Variants in MPDZ observed in about 807,000 individuals in gnomAD.
The protein encoded by MPDZ is multiple PDZ domain protein.
MPDZ carries 234 observed loss-of-function variants against 239.1 expected under a neutral mutation model. That is an observed-to-expected ratio of 0.98 (90% CI 0.88 to 1.09). The LOEUF is 1.09. MPDZ is among the 50% of genes least tolerant of loss of function. The probability of loss-of-function intolerance (pLI) is 0.00; values close to 1 mark genes in which losing one functional copy is unlikely to be tolerated. For synonymous variants in MPDZ, 1,048 were observed against 881.3 expected, an observed-to-expected ratio of 1.19 and a Z score of -3.35; for missense variants, 3,175 against 2,510.0, an observed-to-expected ratio of 1.26 and a Z score of -5.66.
intron 8 of MPDZ, among the ~76,000 whole-genome samples, chr9:13,219,201 C>T (rs913937655): frequency 6.6e-6 from 1 of 151,878 alleles, no homozygotes; most frequent in African/African-American, 2.4e-5. Context: ...AACTATGACC[C>T]ACCTTACAGA....
intron 1 of MPDZ, among the ~76,000 whole-genome samples, chr9:13,273,827 G>A (rs768951077): frequency 2.0e-5 from 3 of 152,050 alleles, no homozygotes; most frequent in African/African-American, 7.2e-5. Flanking sequence ...TTTAAAATAC[G>A]TTCTCCACTG....
intron 30 of MPDZ, 97 bp from the exon 31 acceptor site, chr9:13,136,279 C>G: frequency 1.5e-6 from 1 of 649,764 alleles, no homozygotes; most frequent in Non-Finnish European, 2.5e-6. Context: ...AATTATTTAA[C>G]CCCCAAAACC....
intron 26 of MPDZ, 48 bp downstream of exon 26, chr9:13,147,500 G>T: frequency 7.0e-7 from 1 of 1,420,190 alleles, no homozygotes; most frequent in Non-Finnish European, 9.9e-7. Context: ...TAGATTCCAA[G>T]TTGAACACTG....
chr9:13,160,323 G>T (rs1854909), intron 23 of MPDZ, among the ~76,000 whole-genome samples: 70,602 of 151,970 alleles, frequency 0.46, 20,142 homozygotes, highest in African/African-American at 0.81. Flanking sequence ...GCATATCCAT[G>T]TGTTCTATTT....
chr9:13,169,973 T>C (rs1951578616), intron 21 of MPDZ, among the ~76,000 whole-genome samples: 1 of 152,194 alleles, frequency 6.6e-6, no homozygotes, highest in South Asian at 2.1e-4. Flanking sequence ...TCTGAATTAA[T>C]GTTCCCTTTG....
chr9:13,121,142 G>C (rs1231719829), intron 38 of MPDZ, among the ~76,000 whole-genome samples: 4 of 152,088 alleles, frequency 2.6e-5, no homozygotes, highest in Admixed American at 6.5e-5. Flanking sequence ...TACCACCCGG[G>C]CCCCCTGCTT....
rs1391091162 is a variant in MPDZ at position 13,247,809 on chromosome 9, A to T, written c.17-8T>A. 1 of 1,592,030 alleles carries T rather than the reference A, an allele frequency of 6.3e-7. No individual in the cohort carries two copies. The highest frequency in any genetic ancestry group is 1.7e-5 in the Admixed American group (1 of 59,674). The stretch of plus-strand genomic sequence containing the variant: ...GCAGGGCCCGATTTTTGTCTATACC[A>T]AAGAGCAGCATTTGTCAATAACAGG... On this transcript the variant is annotated splice_region_variant and splice_polypyrimidine_tract_variant and intron_variant, in intron 2 of 46. Transcript: ENST00000319217.
chr9:13,240,430 C>T (rs1965102348), intron 3 of MPDZ, among the ~76,000 whole-genome samples: 1 of 151,624 alleles, frequency 6.6e-6, no homozygotes, highest in Non-Finnish European at 1.5e-5. Context: ...ATTTATAGGA[C>T]ATGGCATATT....
chr9:13,229,608 C>T (rs988679186), intron 3 of MPDZ, among the ~76,000 whole-genome samples: 30 of 149,562 alleles, frequency 2.0e-4, no homozygotes, highest in African/African-American at 6.9e-4. Flanking sequence ...ACACACACCC[C>T]CATCCACCCC....
chr9:13,279,648 T>TG lies in MPDZ; in HGVS notation c.-307dup, dbSNP rs1975243608. On this transcript the variant is annotated 5_prime_UTR_variant, in exon 1 of 47. Transcript: ENST00000319217. ...CCCCTCCCCCAGCGCGCGCCGCACTTGCGCCGACCGGGGCTGCCGCGGAGG... is the reference window on the plus strand; with the variant it reads ...CCCCTCCCCCAGCGCGCGCCGCACTTGGCGCCGACCGGGGCTGCCGCGGAGG... 6.7e-6 allele frequency: 1 copy of TG among 150,160 alleles called. No individual in the cohort carries two copies. Among genetic ancestry groups the TG allele is most frequent in the Non-Finnish European group, 1.5e-5 (1 of 67,524 alleles). 9.3% of individuals were successfully genotyped at this position (150,160 alleles called of 1,614,324 possible). A position where few individuals can be genotyped will look rare whatever the true frequency, so the allele number is the denominator to read the frequency against.
intron 27 of MPDZ, among the ~76,000 whole-genome samples, chr9:13,141,970 C>A (rs1302005485): frequency 6.6e-6 from 1 of 152,032 alleles, no homozygotes; most frequent in Non-Finnish European, 1.5e-5. Context: ...TAAAAATGAA[C>A]AAACACACAC....
In MPDZ at chr9:13,186,341, G is replaced by C. The variant is rs765484050; in HGVS notation, c.2410C>G (p.Leu804Val). Reference protein sequence around the residue: ...GYVSAKEDSFLYPPHSCEEAG... With the variant: ...GYVSAKEDSFVYPPHSCEEAG... ...TCCTCACAGGAGTGTGGTGGGTAGA[G>C]AAAGGAATCCTCCTTAGCAGAAACA... The change falls in exon 18 of 47, where the codon CTC becomes GTC. Residue 804 changes from leucine to valine, a missense_variant. Coordinates refer to ENST00000319217, the MANE Select transcript of MPDZ (RefSeq NM_001378778.1). 5.6e-6 allele frequency: 9 copies of C among 1,593,052 alleles called. No individual in the cohort carries two copies. Among genetic ancestry groups the C allele is most frequent in the Non-Finnish European group, 7.7e-6 (9 of 1,169,144 alleles).
chr9:13,183,501 G>C lies in MPDZ; in HGVS notation c.2566C>G (p.Gln856Glu). 1 of 1,612,404 alleles carries C rather than the reference G, an allele frequency of 6.2e-7. No individual in the cohort carries two copies. Among genetic ancestry groups the C allele is most frequent in the Non-Finnish European group, 8.5e-7 (1 of 1,179,038 alleles). Reference sequence around the variant, plus strand: ...CCATGAAGAGATAAAATAGAGGCTTGAGTAGAGTAGATGCTGTCATTTTCA... The same window carrying C: ...CCATGAAGAGATAAAATAGAGGCTTCAGTAGAGTAGATGCTGTCATTTTCA... ...SPENDSIYSTQASILSLHGSS... is the reference protein window; with the variant it reads ...SPENDSIYSTEASILSLHGSS... The change falls in exon 19 of 47, where the codon CAA becomes GAA. Residue 856 changes from glutamine (Q) to glutamate (E), a missense_variant. Physicochemically the swap from Gln to Glu is conservative, Grantham distance 29. Coordinates refer to ENST00000319217, the MANE Select transcript of MPDZ (RefSeq NM_001378778.1).
intron 21 of MPDZ, among the ~76,000 whole-genome samples, chr9:13,175,209 C>A (rs990516086): frequency 6.6e-6 from 1 of 152,048 alleles, no homozygotes; most frequent in Non-Finnish European, 1.5e-5. Flanking sequence ...GTCTTTTTTG[C>A]CCAATTCAGA....
intron 10 of MPDZ, 130 bp from the exon 11 acceptor site, chr9:13,206,229 G>C (rs894143375): frequency 2.4e-6 from 2 of 839,000 alleles, no homozygotes; most frequent in African/African-American, 3.5e-5. Flanking sequence ...CCTTATCAGG[G>C]AATTGACAGT....
chr9:13,119,381 G>T, intron 39 of MPDZ, 121 bp downstream of exon 39: 1 of 1,205,712 alleles, frequency 8.3e-7, no homozygotes, highest in Non-Finnish European at 1.1e-6. Context: ...CATTGCACCT[G>T]GCCTTGAGGT....
chr9:13,119,763 A>G, intron 38 of MPDZ, 114 bp from the exon 39 acceptor site: 2 of 1,269,778 alleles, frequency 1.6e-6, no homozygotes, highest in Non-Finnish European at 1.1e-6. Flanking sequence ...TGACTTTAAA[A>G]GTTTTGTTAT....
At chr9:13,186,482 C>T (rs1369557826) in intron 17 of MPDZ, 96 bp from the exon 18 acceptor site, 7 of 795,734 alleles carry the variant, frequency 8.8e-6, no homozygotes, top group East Asian at 2.8e-5. Context: ...GTGAGGGGGG[C>T]GAGAAGAGAA....
intron 15 of MPDZ, 28 bp downstream of exon 15, chr9:13,192,103 G>A (rs753934212): frequency 1.3e-6 from 2 of 1,543,876 alleles, no homozygotes; most frequent in South Asian, 1.3e-5. Context: ...ATATATGTAG[G>A]TTAGCCTCAT....
Sources: allele counts gnomAD v4.1 joint callset (sites outside exome capture counted in the v4.1 genomes callset), GRCh38; gene constraint gnomAD v4.1.1; transcripts MANE v1.5; gene names NCBI Gene and HGNC (gene_info 2026-07-23, HGNC 2026-07-21).